The following LRRC8D variants were observed in gnomAD, a reference collection of about 807,000 sequenced individuals.
LRRC8D encodes leucine rich repeat containing 8 VRAC subunit D.
A neutral mutation model predicts 55.8 loss-of-function variants in LRRC8D; 20 were observed. The observed-to-expected ratio is 0.36, with a 90% CI of 0.25 to 0.52. The LOEUF is 0.52. LRRC8D is among the 20% of genes least tolerant of loss of function. The pLI, the probability that LRRC8D is intolerant of heterozygous loss-of-function variation, is 0.93. For synonymous variants in LRRC8D, 352 were observed against 377.0 expected (o/e 0.93, Z 0.77); for missense variants, 651 against 1,030.8 (o/e 0.63, Z 5.05).
intron 2 of LRRC8D, among the ~76,000 whole-genome samples, chr1:89,915,044 GTGGTGTGTGTGTA>G (rs1318953177): frequency 2.0e-5 from 3 of 151,496 alleles, no homozygotes; most frequent in African/African-American, 7.3e-5. Flanking sequence ...GTGTGTGTGT[GTGGTGTGTGTGTA>G]TGTGTGTGGT....
chr1:89,901,249 G>A (rs974241764), intron 2 of LRRC8D, among the ~76,000 whole-genome samples: 1 of 152,170 alleles, frequency 6.6e-6, no homozygotes, highest in Non-Finnish European at 1.5e-5. Context: ...CCCTGTAAGC[G>A]TAAAGGAGAT....
chr1:89,864,572 G>A (rs920398188), intron 2 of LRRC8D, among the ~76,000 whole-genome samples: 1 of 152,066 alleles, frequency 6.6e-6, no homozygotes, highest in Non-Finnish European at 1.5e-5. Context: ...TCCAGTTGCG[G>A]CCTCCATCAT....
chr1:89,854,137 T>C (rs936080290), intron 2 of LRRC8D, among the ~76,000 whole-genome samples: 5 of 152,154 alleles, frequency 3.3e-5, no homozygotes, highest in African/African-American at 4.8e-5. Flanking sequence ...GAGATATGTG[T>C]GGCTGTAGGT....
At chr1:89,866,462 T>C (rs1434236704) in intron 2 of LRRC8D, among the ~76,000 whole-genome samples, 5 of 152,224 alleles carry the variant, frequency 3.3e-5, no homozygotes, top group Non-Finnish European at 7.3e-5. Context: ...AGTCATAGAC[T>C]CTTGAATGTG....
intron 2 of LRRC8D, among the ~76,000 whole-genome samples, chr1:89,861,336 CTT>C (rs1382610081): frequency 6.6e-6 from 1 of 152,192 alleles, no homozygotes. Context: ...TATCATGTGA[CTT>C]TAACATACAT....
At chr1:89,907,460 G>A (rs1392336712) in intron 2 of LRRC8D, among the ~76,000 whole-genome samples, 1 of 152,000 alleles carries the variant, frequency 6.6e-6, no homozygotes, top group Non-Finnish European at 1.5e-5. Context: ...AAAGTGCTGG[G>A]ATTACAAGTG....
chr1:89,885,643 ATCTG>A (rs1187690349), intron 2 of LRRC8D, among the ~76,000 whole-genome samples: 6 of 152,234 alleles, frequency 3.9e-5, no homozygotes, highest in African/African-American at 1.4e-4. Context: ...ACTAAGAAAT[ATCTG>A]TCTGGACCCA....
chr1:89,834,370 A>G (rs1323955341), intron 1 of LRRC8D, among the ~76,000 whole-genome samples: 1 of 152,200 alleles, frequency 6.6e-6, no homozygotes, highest in Non-Finnish European at 1.5e-5. Context: ...GGTGGTCCAC[A>G]GTGGGCCACT....
chr1:89,905,934 G>A (rs1309629454), intron 2 of LRRC8D, among the ~76,000 whole-genome samples: 2 of 152,212 alleles, frequency 1.3e-5, no homozygotes, highest in Non-Finnish European at 2.9e-5. Context: ...CTGCAGTAGG[G>A]TCTTCAAAGG....
At chr1:89,857,866 A>G (rs144203947) in intron 2 of LRRC8D, among the ~76,000 whole-genome samples, 30 of 152,330 alleles carry the variant, frequency 2.0e-4, no homozygotes, top group African/African-American at 6.7e-4. Flanking sequence ...TCTAAGTAGA[A>G]TGTCTTTTTG....
At chr1:89,872,841 G>A (rs58188976) in intron 2 of LRRC8D, among the ~76,000 whole-genome samples, 2,151 of 152,246 alleles carry the variant, frequency 0.014, 55 homozygotes, top group African/African-American at 0.05. Flanking sequence ...TAATGTGTGT[G>A]CAAAGCTTTC....
At chr1:89,910,912 A>G (rs1422322835) in intron 2 of LRRC8D, among the ~76,000 whole-genome samples, 2 of 152,178 alleles carry the variant, frequency 1.3e-5, no homozygotes, top group Non-Finnish European at 2.9e-5. Context: ...CCAGCAGTGC[A>G]CAGCTCCTCC....
Position 89,843,561 on chromosome 1 carries a change from C to G in LRRC8D, c.-147-77C>G. On this transcript the variant is annotated intron_variant, in intron 1 of 2. Coordinates refer to ENST00000337338, the MANE Select transcript of LRRC8D (RefSeq NM_001134479.2). The stretch of plus-strand genomic sequence containing the variant: ...GTGACCCCCTGGTCTTGCCTCCCCG[C>G]CGCCCTGCACTCCTTCCTCCCCGCT... 3 of 690,394 alleles carry G rather than the reference C, an allele frequency of 4.3e-6. No individual in the cohort carries two copies. In the South Asian group the frequency reaches 4.5e-5, roughly 10 times the overall value. The allele number at this position is 690,394 out of a possible 1,614,324, so 42.8% of individuals were successfully genotyped here.
At chr1:89,868,200 T>A (rs1419086608) in intron 2 of LRRC8D, among the ~76,000 whole-genome samples, 1 of 152,218 alleles carries the variant, frequency 6.6e-6, no homozygotes, top group Non-Finnish European at 1.5e-5. Flanking sequence ...TCTAGTACCT[T>A]GTTTGGTGTC....
intron 1 of LRRC8D, among the ~76,000 whole-genome samples, chr1:89,836,705 T>G (rs1661011711): frequency 6.6e-6 from 1 of 152,216 alleles, no homozygotes; most frequent in Non-Finnish European, 1.5e-5. Flanking sequence ...CATTTTAGGT[T>G]TAGAGGTGGT....
At chr1:89,877,580 A>C (rs1243120767) in intron 2 of LRRC8D, among the ~76,000 whole-genome samples, 1 of 152,172 alleles carries the variant, frequency 6.6e-6, no homozygotes, top group South Asian at 2.1e-4. Flanking sequence ...TGAATTTCAG[A>C]GTAATTTGTA....
intron 2 of LRRC8D, among the ~76,000 whole-genome samples, chr1:89,872,379 A>C (rs1007300914): frequency 2.6e-5 from 4 of 152,214 alleles, no homozygotes; most frequent in Admixed American, 6.5e-5. Context: ...GTGGGGTGGA[A>C]AGCAAAGGCA....
chr1:89,841,353 G>A (rs920886846), intron 1 of LRRC8D, among the ~76,000 whole-genome samples: 1 of 151,966 alleles, frequency 6.6e-6, no homozygotes, highest in Non-Finnish European at 1.5e-5. Context: ...AAGGGTGGGT[G>A]AGGTGTAGTT....
rs76123139 is a variant in LRRC8D at position 89,855,182 on chromosome 1, T to C, written c.-3+11400T>C. 2.9e-3 allele frequency among the ~76,000 whole-genome samples: 435 copies of C among 152,318 alleles called. 3 individuals are homozygous for C. The highest frequency in any genetic ancestry group is 0.01 in the African/African-American group (419 of 41,576). On this transcript the variant is annotated intron_variant, in intron 2 of 2. Transcript: ENST00000337338. ...GGATAAGTATTCAGAGGATCTTACC[T>C]TAAGAGTCCTTTCTCCTTTCCGTTT...
Sources: gnomAD v4.1 joint callset for allele counts (sites outside exome capture counted in the v4.1 genomes callset) on GRCh38, gnomAD v4.1.1 for gene constraint, MANE v1.5 for transcripts, NCBI Gene and HGNC (gene_info 2026-07-23, HGNC 2026-07-21) for gene names.